LRMDA: variants seen among roughly 807,000 people sequenced by gnomAD.
LRMDA encodes leucine-rich melanocyte differentiation-associated protein.
Under a neutral mutation model 29.8 loss-of-function variants are expected in LRMDA, and 18 were observed. The observed-to-expected ratio is 0.60, with a 90% CI of 0.42 to 0.90. LRMDA has a LOEUF of 0.90. Among genes scored for constraint, LRMDA ranks in the 40% least tolerant of loss-of-function variants. LRMDA has a pLI of 0.00. For missense variants in LRMDA, 273 were observed against 273.9 expected (o/e 1.00, Z 0.02); for synonymous variants, 125 against 109.4 (o/e 1.14, Z -0.89).
chr10:76,009,408 C>T (rs901477941), intron 2 of LRMDA, among the ~76,000 whole-genome samples: 3 of 152,154 alleles, frequency 2.0e-5, no homozygotes, highest in African/African-American at 7.2e-5. Flanking sequence ...TCACATTAGC[C>T]AGGAATGGTG....
In LRMDA at chr10:76,548,955, GGA is replaced by G. The variant is rs1843454816; in HGVS notation, c.602-8250_602-8249del. Among the ~76,000 whole-genome samples, 10 of 152,274 alleles carry G rather than the reference GGA, an allele frequency of 6.6e-5. No homozygotes were observed. In the South Asian group the frequency reaches 2.1e-3, roughly 32 times the overall value. On this transcript the variant is annotated intron_variant, in intron 6 of 6. Transcript: ENST00000611255. Reference sequence around the variant, plus strand: ...AGTGTGGGGTCCAGGACCCAAGATGGGAGAGTAGAGAATGTCACTAAGGATCT... The same window carrying G: ...AGTGTGGGGTCCAGGACCCAAGATGGGAGTAGAGAATGTCACTAAGGATCT...
chr10:75,923,604 G>A (rs955443413), intron 2 of LRMDA, among the ~76,000 whole-genome samples: 6 of 152,176 alleles, frequency 3.9e-5, no homozygotes, highest in African/African-American at 1.4e-4. Flanking sequence ...GTGAATGCTT[G>A]CATTTCCCAG....
intron 2 of LRMDA, among the ~76,000 whole-genome samples, chr10:75,738,441 T>C (rs1384329851): frequency 1.3e-5 from 2 of 152,238 alleles, no homozygotes; most frequent in African/African-American, 4.8e-5. Flanking sequence ...TCAGATTCTT[T>C]CTGCCATTCT....
At chr10:75,718,050 A>AT (rs913950632) in intron 2 of LRMDA, among the ~76,000 whole-genome samples, 1 of 152,022 alleles carries the variant, frequency 6.6e-6, no homozygotes, top group Non-Finnish European at 1.5e-5. Flanking sequence ...TCTGCTTTTC[A>AT]TTTTTTCCTG....
chr10:75,880,988 C>T (rs560486179), intron 2 of LRMDA, among the ~76,000 whole-genome samples: 3 of 152,262 alleles, frequency 2.0e-5, no homozygotes, highest in African/African-American at 7.2e-5. Flanking sequence ...AGGAATGATA[C>T]TTTCTTGAAG....
At chr10:76,359,668 T>A (rs1841287261) in intron 6 of LRMDA, among the ~76,000 whole-genome samples, 1 of 152,196 alleles carries the variant, frequency 6.6e-6, no homozygotes, top group Admixed American at 6.5e-5. Context: ...TAATTTTCCC[T>A]GAAGACCTTG....
chr10:76,232,492 G>A (rs1441929867), intron 5 of LRMDA, among the ~76,000 whole-genome samples: 1 of 152,196 alleles, frequency 6.6e-6, no homozygotes, highest in Admixed American at 6.5e-5. Context: ...ACTTAGGGAA[G>A]GTACAAGCAT....
chr10:76,157,402 A>G (rs1410461308), intron 5 of LRMDA, among the ~76,000 whole-genome samples: 1 of 152,158 alleles, frequency 6.6e-6, no homozygotes, highest in Admixed American at 6.6e-5. Context: ...ACTTGAGGCT[A>G]GGAGTTTCAG....
intron 2 of LRMDA, among the ~76,000 whole-genome samples, chr10:75,853,028 C>T (rs1300262044): frequency 1.3e-5 from 2 of 151,978 alleles, no homozygotes; most frequent in African/African-American, 2.4e-5. Context: ...CTTATAAAAC[C>T]ATCAGATCTC....
chr10:75,509,867 C>T (rs899807151), intron 2 of LRMDA, among the ~76,000 whole-genome samples: 5 of 152,194 alleles, frequency 3.3e-5, no homozygotes, highest in South Asian at 4.1e-4. Context: ...AGTCTTGAGG[C>T]TCTTACAGCC....
intron 6 of LRMDA, among the ~76,000 whole-genome samples, chr10:76,411,702 A>C (rs1907344): frequency 6.6e-6 from 1 of 152,166 alleles, no homozygotes; most frequent in Non-Finnish European, 1.5e-5. Context: ...AGGTAGAGAG[A>C]AGTGAATGCA....
chr10:75,845,013 C>T (rs757335581), intron 2 of LRMDA, among the ~76,000 whole-genome samples: 4 of 152,120 alleles, frequency 2.6e-5, no homozygotes, highest in South Asian at 4.2e-4. Flanking sequence ...AGTGTGGCAA[C>T]GCTGAAAGTA....
At chr10:75,947,797 C>T (rs1846502244) in intron 2 of LRMDA, among the ~76,000 whole-genome samples, 1 of 152,152 alleles carries the variant, frequency 6.6e-6, no homozygotes, top group South Asian at 2.1e-4. Flanking sequence ...GAGTGCTGAG[C>T]CTTTGACTTT....
intron 5 of LRMDA, among the ~76,000 whole-genome samples, chr10:76,073,984 T>C (rs566446122): frequency 1.8e-4 from 28 of 152,350 alleles, no homozygotes; most frequent in African/African-American, 6.5e-4. Flanking sequence ...GCCAAATCTT[T>C]GCATAATACC....
At chr10:75,516,162 CAT>C (rs974450104) in intron 2 of LRMDA, among the ~76,000 whole-genome samples, 1 of 152,194 alleles carries the variant, frequency 6.6e-6, no homozygotes, top group African/African-American at 2.4e-5. Context: ...CTGCAATAAA[CAT>C]ATGTGTGCAT....
intron 2 of LRMDA, among the ~76,000 whole-genome samples, chr10:75,447,074 T>C (rs1844404469): frequency 6.6e-6 from 1 of 152,336 alleles, no homozygotes; most frequent in Admixed American, 6.5e-5. Flanking sequence ...AGATAGACTT[T>C]AGAAGATAAA....
In LRMDA at chr10:75,783,485, C is replaced by CAA. The variant is rs55852739; in HGVS notation, c.132-252505_132-252504dup. Among the ~76,000 whole-genome samples the CAA allele has an allele frequency of 5.0e-3, 352 of 70,476 alleles. 2 individuals carry two copies. Among genetic ancestry groups the CAA allele is most frequent in the Admixed American group, 0.017 (120 of 7,242 alleles). 46.2% of individuals were successfully genotyped at this position (70,476 alleles called of 152,430 possible). ...TCTGTAAAGACTTACTGCTCAGAGGCAAAAAAAAAAAAAAAAAAAGTCTGA... is the reference window on the plus strand; with the variant it reads ...TCTGTAAAGACTTACTGCTCAGAGGCAAAAAAAAAAAAAAAAAAAAAGTCTGA... On this transcript the variant is annotated intron_variant, in intron 2 of 6. Coordinates refer to ENST00000611255, the MANE Select transcript of LRMDA (RefSeq NM_001305581.2).
intron 2 of LRMDA, among the ~76,000 whole-genome samples, chr10:75,799,522 T>C (rs1843710893): frequency 6.6e-6 from 1 of 152,118 alleles, no homozygotes; most frequent in Non-Finnish European, 1.5e-5. Flanking sequence ...TTTTCTTTTT[T>C]TTTTTCTTTT....
chr10:75,526,100 C>G (rs1461837618), intron 2 of LRMDA, among the ~76,000 whole-genome samples: 1 of 151,920 alleles, frequency 6.6e-6, no homozygotes, highest in Non-Finnish European at 1.5e-5. Context: ...GGGTCTCACT[C>G]TGTCACCCAG....
Sources: gnomAD v4.1 joint callset for allele counts (sites outside exome capture counted in the v4.1 genomes callset) on GRCh38, gnomAD v4.1.1 for gene constraint, MANE v1.5 for transcripts, NCBI Gene and HGNC (gene_info 2026-07-23, HGNC 2026-07-21) for gene names.